Variants in GABBR2 observed in about 807,000 individuals in gnomAD.
GABBR2 encodes the protein G-protein coupled receptor 51.
GABBR2 carries 23 observed loss-of-function variants against 105.6 expected under a neutral mutation model. The observed-to-expected ratio is 0.22, with a 90% confidence interval of 0.16 to 0.31. The LOEUF is 0.31. Among genes scored for constraint, GABBR2 ranks in the 10% least tolerant of loss-of-function variants. The pLI is 1.00. For synonymous variants in GABBR2, 478 were observed against 499.7 expected (o/e 0.96, Z 0.58); for missense variants, 734 against 1,245.5 (o/e 0.59, Z 6.18).
At chr9:98,510,754 C>A (rs1040542380) in intron 3 of GABBR2, among the ~76,000 whole-genome samples, 1 of 151,992 alleles carries the variant, frequency 6.6e-6, no homozygotes, top group African/African-American at 2.4e-5. Context: ...AATACAGGAG[C>A]ACCCAGATTC....
At chr9:98,524,522 C>A (rs149188365) in intron 3 of GABBR2, among the ~76,000 whole-genome samples, 5 of 152,182 alleles carry the variant, frequency 3.3e-5, no homozygotes, top group African/African-American at 7.2e-5. Context: ...ATTCAACAGG[C>A]GTATCTAAAC....
intron 7 of GABBR2, among the ~76,000 whole-genome samples, chr9:98,440,818 A>T (rs532804415): frequency 6.6e-6 from 1 of 152,338 alleles, no homozygotes; most frequent in African/African-American, 2.4e-5. Flanking sequence ...CAGGGCCCAC[A>T]GCCATGCCAT....
chr9:98,389,277 T>G (rs1832136455), intron 9 of GABBR2, among the ~76,000 whole-genome samples: 1 of 152,188 alleles, frequency 6.6e-6, no homozygotes, highest in African/African-American at 2.4e-5. Context: ...TTGGTCTAAT[T>G]ACACTATTGA....
intron 1 of GABBR2, among the ~76,000 whole-genome samples, chr9:98,590,357 T>C (rs371996214): frequency 2.6e-5 from 4 of 152,240 alleles, no homozygotes; most frequent in Non-Finnish European, 5.9e-5. Flanking sequence ...GCTGTCACTC[T>C]GAATTCTTGG....
chr9:98,418,552 AC>A (rs570815863), intron 7 of GABBR2, among the ~76,000 whole-genome samples: 1 of 151,326 alleles, frequency 6.6e-6, no homozygotes, highest in East Asian at 1.9e-4. Flanking sequence ...AACAACAACA[AC>A]AAAAAAACCC....
chr9:98,487,053 C>G (rs1296788942), intron 4 of GABBR2, among the ~76,000 whole-genome samples: 1 of 152,198 alleles, frequency 6.6e-6, no homozygotes, highest in Non-Finnish European at 1.5e-5. Context: ...CCACAGCAGC[C>G]CAGTGGAAAG....
At chr9:98,453,082 A>C (rs980456241) in intron 7 of GABBR2, among the ~76,000 whole-genome samples, 3 of 152,066 alleles carry the variant, frequency 2.0e-5, no homozygotes, top group Non-Finnish European at 4.4e-5. Context: ...GCTGGAGTGC[A>C]ATGACGCGAT....
At chr9:98,683,738 G>A (rs1218212064) in intron 1 of GABBR2, among the ~76,000 whole-genome samples, 2 of 151,834 alleles carry the variant, frequency 1.3e-5, no homozygotes, top group African/African-American at 4.8e-5. Context: ...GGCCGGGTGC[G>A]GTGGCTCACG....
At chr9:98,500,797 G>A (rs925231879) in intron 3 of GABBR2, among the ~76,000 whole-genome samples, 1 of 152,120 alleles carries the variant, frequency 6.6e-6, no homozygotes, top group African/African-American at 2.4e-5. Context: ...TGAAGCAGTG[G>A]TTCTCAAACA....
intron 7 of GABBR2, among the ~76,000 whole-genome samples, chr9:98,407,804 G>T (rs576365628): frequency 6.6e-6 from 1 of 152,292 alleles, no homozygotes; most frequent in South Asian, 2.1e-4. Context: ...ATACAGGAGT[G>T]GGGGTGAGAA....
chr9:98,324,270 G>C (rs1294937305), intron 13 of GABBR2, among the ~76,000 whole-genome samples: 2 of 152,158 alleles, frequency 1.3e-5, no homozygotes, highest in Admixed American at 6.5e-5. Context: ...CTACATCTTA[G>C]ATTTTACAGT....
At chr9:98,379,970 C>CT (rs879488907) in intron 11 of GABBR2, among the ~76,000 whole-genome samples, 274 of 144,690 alleles carry the variant, frequency 1.9e-3, no homozygotes, top group Middle Eastern at 3.7e-3. Flanking sequence ...ACTTAGTTGA[C>CT]TTTTTTTTTT....
chr9:98,472,715 C>T (rs1459497712), intron 6 of GABBR2, among the ~76,000 whole-genome samples: 3 of 152,114 alleles, frequency 2.0e-5, no homozygotes, highest in East Asian at 3.9e-4. Context: ...TGGGGTTTGA[C>T]GCAGTCTGGC....
intron 1 of GABBR2, among the ~76,000 whole-genome samples, chr9:98,676,655 C>A (rs984806728): frequency 6.6e-6 from 1 of 152,122 alleles, no homozygotes; most frequent in Non-Finnish European, 1.5e-5. Context: ...GACCCTATTG[C>A]AACTACTTCA....
chr9:98,573,319 T>G (rs1828860740), intron 2 of GABBR2, among the ~76,000 whole-genome samples: 1 of 152,188 alleles, frequency 6.6e-6, no homozygotes, highest in African/African-American at 2.4e-5. Flanking sequence ...GTATCGCTTT[T>G]TCGCCCAGGC....
intron 13 of GABBR2, among the ~76,000 whole-genome samples, chr9:98,346,070 CCTT>C (rs1364256458): frequency 6.6e-6 from 1 of 152,228 alleles, no homozygotes; most frequent in Non-Finnish European, 1.5e-5. Context: ...GGTTTTACCT[CCTT>C]ATTGATGGCA....
At chr9:98,579,351 G>A (rs1243452630) in intron 1 of GABBR2, among the ~76,000 whole-genome samples, 1 of 152,114 alleles carries the variant, frequency 6.6e-6, no homozygotes, top group Non-Finnish European at 1.5e-5. Flanking sequence ...AGAGGCCAGG[G>A]GCCCACGACG....
intron 7 of GABBR2, among the ~76,000 whole-genome samples, chr9:98,437,589 C>T (rs910018098): frequency 6.6e-6 from 1 of 151,688 alleles, no homozygotes; most frequent in Non-Finnish European, 1.5e-5. Flanking sequence ...ACAAACTCAT[C>T]CACTCATTCA....
chr9:98,466,733 A>G (rs559041908), intron 6 of GABBR2, among the ~76,000 whole-genome samples: 1 of 152,256 alleles, frequency 6.6e-6, no homozygotes, highest in South Asian at 2.1e-4. Context: ...CTTGCACAAC[A>G]TCACTGTATT....
Sources: allele counts gnomAD v4.1 joint callset (sites outside exome capture counted in the v4.1 genomes callset), GRCh38; gene constraint gnomAD v4.1.1; transcripts MANE v1.5; gene names NCBI Gene and HGNC (gene_info 2026-07-23, HGNC 2026-07-21).